Variants in KAZN observed in about 807,000 individuals in gnomAD.
The protein encoded by KAZN is kazrin, periplakin interacting protein, also known as kazrin.
Under a neutral mutation model 87.4 loss-of-function variants are expected in KAZN, and 40 were observed. The ratio of observed to expected loss-of-function variants is 0.46; its 90% CI spans 0.36 to 0.60. KAZN has a LOEUF of 0.60. Ranked by LOEUF, KAZN falls within the 20% of genes least tolerant of loss-of-function variation. KAZN has a pLI of 0.00. For synonymous variants in KAZN, 466 were observed against 458.3 expected, an observed-to-expected ratio of 1.02 and a Z score of -0.22; for missense variants, 898 against 1,073.9, an observed-to-expected ratio of 0.84 and a Z score of 2.29.
intron 1 of KAZN, among the ~76,000 whole-genome samples, chr1:14,632,879 T>C (rs1276475155): frequency 1.3e-5 from 2 of 151,942 alleles, no homozygotes; most frequent in African/African-American, 4.8e-5. Context: ...AGAGTCACTG[T>C]AGACACTCTC....
chr1:13,917,378 T>G (rs1245802415), intron 1 of KAZN, among the ~76,000 whole-genome samples: 1 of 152,248 alleles, frequency 6.6e-6, no homozygotes, highest in South Asian at 2.1e-4. Context: ...AGAGGAAAAG[T>G]TGATGCTTGG....
Position 13,970,316 on chromosome 1 carries a change from C to T in KAZN, c.91+76560C>T, listed in dbSNP as rs147463380. The stretch of plus-strand genomic sequence containing the variant: ...TAATAGCTCACATTTATTGAGGGTG[C>T]ACCATGTGCTAAGAACGGTGCTGAG... On this transcript the variant is annotated intron_variant, in intron 1 of 16. Transcript: ENST00000636203. Among the ~76,000 whole-genome samples, 312 of 152,276 alleles carry T rather than the reference C, an allele frequency of 2.0e-3. 1 individual carries two copies. The highest frequency in any genetic ancestry group is 7.1e-3 in the African/African-American group (294 of 41,542).
At chr1:14,839,541 C>G (rs1341169110) in intron 1 of KAZN, among the ~76,000 whole-genome samples, 1 of 152,112 alleles carries the variant, frequency 6.6e-6, no homozygotes, top group Non-Finnish European at 1.5e-5. Flanking sequence ...CAGAAAAACC[C>G]CTATTCATCC....
At chr1:14,826,750 A>G (rs1031687821) in intron 1 of KAZN, among the ~76,000 whole-genome samples, 2 of 152,120 alleles carry the variant, frequency 1.3e-5, no homozygotes, top group African/African-American at 4.8e-5. Flanking sequence ...CTGCTGAAGG[A>G]TGAACCTGGA....
chr1:15,017,541 C>A (rs1050333547), intron 2 of KAZN, among the ~76,000 whole-genome samples: 1 of 151,742 alleles, frequency 6.6e-6, no homozygotes, highest in Admixed American at 6.6e-5. Flanking sequence ...CGGTGGCTCA[C>A]GCCTGTAATC....
intron 1 of KAZN, among the ~76,000 whole-genome samples, chr1:14,107,387 G>GT (rs1157226907): frequency 1.3e-5 from 2 of 151,456 alleles, no homozygotes; most frequent in African/African-American, 4.8e-5. Flanking sequence ...TTGTTTGTTT[G>GT]TTTTTTTGCC....
intron 2 of KAZN, among the ~76,000 whole-genome samples, chr1:14,315,895 T>A (rs930701560): frequency 1.7e-4 from 26 of 152,162 alleles, no homozygotes; most frequent in East Asian, 7.7e-4. Flanking sequence ...CATTTTTTTT[T>A]TATATTTTGG....
At chr1:14,280,178 C>T (rs566377639) in intron 2 of KAZN, among the ~76,000 whole-genome samples, 8 of 151,728 alleles carry the variant, frequency 5.3e-5, no homozygotes, top group Admixed American at 2.0e-4. Context: ...CTGGCTAACA[C>T]GGTGAAGCCC....
chr1:14,840,685 C>G (rs1258929754), intron 1 of KAZN, among the ~76,000 whole-genome samples: 1 of 152,238 alleles, frequency 6.6e-6, no homozygotes, highest in Non-Finnish European at 1.5e-5. Flanking sequence ...AGCCTGGATG[C>G]TGCCTCTTGC....
chr1:13,902,005 C>T (rs1302738900), intron 1 of KAZN, among the ~76,000 whole-genome samples: 5 of 152,216 alleles, frequency 3.3e-5, no homozygotes, highest in Non-Finnish European at 2.9e-5. Flanking sequence ...GTTTTGGACC[C>T]GAGATTATCC....
chr1:14,063,847 C>A (rs182434568), intron 1 of KAZN, among the ~76,000 whole-genome samples: 109 of 152,288 alleles, frequency 7.2e-4, no homozygotes, highest in East Asian at 5.8e-4. Flanking sequence ...GCGGCATAGG[C>A]TCTCTTGCCT....
At chr1:14,331,228 G>A (rs1042523055) in intron 2 of KAZN, among the ~76,000 whole-genome samples, 2 of 152,198 alleles carry the variant, frequency 1.3e-5, no homozygotes, top group Admixed American at 1.3e-4. Context: ...GAAACAGTGA[G>A]ATAGAAGGGG....
intron 2 of KAZN, among the ~76,000 whole-genome samples, chr1:14,976,977 C>T (rs1665698652): frequency 6.6e-6 from 1 of 152,176 alleles, no homozygotes; most frequent in Non-Finnish European, 1.5e-5. Flanking sequence ...ATCACGTGAA[C>T]CCGGGAGGCA....
intron 2 of KAZN, among the ~76,000 whole-genome samples, chr1:14,574,270 T>C (rs1675045510): frequency 6.6e-6 from 1 of 152,202 alleles, no homozygotes; most frequent in Non-Finnish European, 1.5e-5. Flanking sequence ...TGAAGTAAAG[T>C]TCTCTTTCTT....
chr1:15,093,451 T>C (rs1212111752), intron 8 of KAZN, among the ~76,000 whole-genome samples: 1 of 151,618 alleles, frequency 6.6e-6, no homozygotes, highest in Non-Finnish European at 1.5e-5. Context: ...TTTTGAGGCC[T>C]CCAGATTTAA....
intron 1 of KAZN, among the ~76,000 whole-genome samples, chr1:14,108,779 G>A (rs530480424): frequency 5.3e-5 from 8 of 152,164 alleles, no homozygotes; most frequent in Admixed American, 2.6e-4. Flanking sequence ...AAGCATGCAC[G>A]TCCCATTTTA....
At chr1:14,049,648 TC>T (rs1429267570) in intron 1 of KAZN, among the ~76,000 whole-genome samples, 2 of 152,118 alleles carry the variant, frequency 1.3e-5, no homozygotes, top group African/African-American at 4.8e-5. Flanking sequence ...CCTTTTTTGT[TC>T]CCTTTTCCCT....
chr1:15,090,530 G>C lies in KAZN; in HGVS notation c.1223-3650G>C, dbSNP rs370626961. On this transcript the variant is annotated intron_variant, in intron 8 of 14. Coordinates refer to ENST00000376030, the MANE Select transcript of KAZN (RefSeq NM_201628.3). ...GCCTGCACCCCGGCCTGACAGCCCT[G>C]TCACCTGGCAGGAAGGTGGGGCCCT... Among the ~76,000 whole-genome samples the C allele has an allele frequency of 1.1e-4, 17 of 152,384 alleles. No homozygotes were observed. The East Asian group carries it at 2.5e-3, about 22-fold the overall frequency.
At chr1:14,372,912 A>G (rs1051840904) in intron 2 of KAZN, among the ~76,000 whole-genome samples, 3 of 152,180 alleles carry the variant, frequency 2.0e-5, no homozygotes, top group Non-Finnish European at 4.4e-5. Flanking sequence ...ATTAATAACT[A>G]ATTATATAAA....
Sources: gnomAD v4.1 joint callset for allele counts (sites outside exome capture counted in the v4.1 genomes callset) on GRCh38, gnomAD v4.1.1 for gene constraint, MANE v1.5 for transcripts, NCBI Gene and HGNC (gene_info 2026-07-23, HGNC 2026-07-21) for gene names.